MUC5AC: variants seen among roughly 807,000 people sequenced by gnomAD.
MUC5AC encodes mucin-5AC.
Under a neutral mutation model 169.7 loss-of-function variants are expected in MUC5AC, and 158 were observed. That is an observed-to-expected ratio of 0.93 (90% confidence interval 0.82 to 1.06). The LOEUF is 1.06. Among genes scored for constraint, MUC5AC ranks in the 50% least tolerant of loss-of-function variants. The pLI is 0.00. For synonymous variants in MUC5AC, 1,975 were observed against 1,237.0 expected (o/e 1.60, Z -12.52); for missense variants, 4,359 against 3,089.9 (o/e 1.41, Z -9.74).
chr11:1,162,698 G>A (rs1032676346), intron 5 of MUC5AC, 52 bp downstream of exon 5: 9 of 1,534,164 alleles, frequency 5.9e-6, no homozygotes, highest in Non-Finnish European at 8.1e-6. Flanking sequence ...TCGAGGGCCG[G>A]CCTGCTCCCA....
In MUC5AC at chr11:1,161,958, A is replaced by C; in HGVS notation, c.263A>C (p.His88Pro). The change falls in exon 4 of 49, where the codon CAC (histidine) becomes CCC (proline). Residue 88 changes from histidine (H) to proline (P), a missense_variant. By Grantham distance (77) the His-to-Pro change is moderately conservative. Coordinates refer to ENST00000621226, the MANE Select transcript of MUC5AC (RefSeq NM_001304359.2). ...GRVCSTWGSF[H>P]YKTFDGDVFR... ...GTGTGCAGCACCTGGGGCAGCTTCC[A>C]CTACAAGACCTTCGACGGCGACGTC... 1 of 1,612,292 alleles carries C rather than the reference A, an allele frequency of 6.2e-7. No homozygotes were observed. The highest frequency in any genetic ancestry group is 8.5e-7 in the Non-Finnish European group (1 of 1,179,696).
intron 14 of MUC5AC, 28 bp downstream of exon 14, chr11:1,168,807 GC>G (rs1184638972): frequency 1.6e-5 from 25 of 1,583,708 alleles, no homozygotes; most frequent in Non-Finnish European, 2.0e-5. Context: ...TGGGCTTGGA[GC>G]CCACCCACTC....
At chr11:1,171,740 TTCACCCAC>T (rs1439156470) in intron 15 of MUC5AC, among the ~76,000 whole-genome samples, 2 of 85,554 alleles carry the variant, frequency 2.3e-5, no homozygotes, top group South Asian at 4.2e-4. Flanking sequence ...AACTCACCCA[TTCACCCAC>T]TCACCCACTC....
chr11:1,171,764 TCACTCACCCACTCACCCATTCACC>T (rs1860551002), intron 15 of MUC5AC, among the ~76,000 whole-genome samples: 1 of 109,930 alleles, frequency 9.1e-6, no homozygotes, highest in South Asian at 3.3e-4. Flanking sequence ...CACTCAACAC[TCACTCACCCACTCACCCATTCACC>T]CACTCACCCA....
Position 1,164,272 on chromosome 11 carries a change from C to T in MUC5AC, c.956C>T (p.Thr319Ile). 7 of 1,612,602 alleles carry T rather than the reference C, an allele frequency of 4.3e-6. No homozygotes were observed. The highest frequency in any genetic ancestry group is 5.9e-6 in the Non-Finnish European group (7 of 1,179,862). ...CTTGCCGAGTACTCCCGGCAGTGCA[C>T]CCATGCAGGGGGGTTGCCCCAGGAC... ...HTLAEYSRQC[T>I]HAGGLPQDWR... The change falls in exon 8 of 49, where the codon ACC (threonine) becomes ATC (isoleucine). Residue 319 changes from threonine to isoleucine, a missense_variant. Coordinates refer to ENST00000621226, the MANE Select transcript of MUC5AC (RefSeq NM_001304359.2).
chr11:1,180,495 C>G lies in MUC5AC; in HGVS notation c.3755C>G (p.Ser1252Trp). The G allele has an allele frequency of 2.5e-6, 1 of 398,798 alleles. No individual in the cohort carries two copies. The highest frequency in any genetic ancestry group is 4.4e-6 in the Non-Finnish European group (1 of 226,166). 24.7% of individuals were successfully genotyped at this position (398,798 alleles called of 1,614,324 possible). A position where few individuals can be genotyped will look rare whatever the true frequency, so the allele number is the denominator to read the frequency against. The stretch of plus-strand genomic sequence containing the variant: ...TACCGGCCAGGTGCAGTGGTGCCCT[C>G]GGACAAGAACTGCCAGTCCTGGTGA... ...KSYRPGAVVP[S>W]DKNCQSCLCT... Residue 1252 changes from serine (S) to tryptophan (W), a missense_variant, in exon 28 of 49, where the codon TCG (serine) becomes TGG (tryptophan). Ser to Trp is a radical substitution (Grantham distance 177). Coordinates refer to ENST00000621226, the MANE Select transcript of MUC5AC (RefSeq NM_001304359.2).
intron 11 of MUC5AC, among the ~76,000 whole-genome samples, chr11:1,167,499 C>T (rs1309116194): frequency 6.6e-6 from 1 of 152,212 alleles, no homozygotes; most frequent in Admixed American, 6.5e-5. Flanking sequence ...ACGTTTAAGA[C>T]AGATGTGCAG....
intron 11 of MUC5AC, among the ~76,000 whole-genome samples, chr11:1,166,060 C>A (rs1860315595): frequency 6.6e-6 from 1 of 152,162 alleles, no homozygotes; most frequent in Non-Finnish European, 1.5e-5. Flanking sequence ...TTTAGGTTAA[C>A]AAGGAAATTG....
intron 30 of MUC5AC, 42 bp downstream of exon 30, chr11:1,181,501 C>G (rs1168352140): frequency 7.6e-6 from 3 of 394,598 alleles, no homozygotes; most frequent in Non-Finnish European, 1.3e-5. Context: ...TGAGCCCCCT[C>G]CCACTGCCTG....
rs1390785917 is a variant in MUC5AC, at chr11:1,195,959, T to C, written c.15542T>C (p.Leu5181Pro). 2.6e-6 allele frequency: 2 copies of C among 764,302 alleles called. No homozygotes were observed. Among genetic ancestry groups the C allele is most frequent in the Admixed American group, 1.7e-5 (1 of 58,960 alleles). 47.3% of individuals were successfully genotyped at this position (764,302 alleles called of 1,614,324 possible). ...TTTGACCGGTGCCACATGACGGACC[T>C]GGATGTGGTGTGCTCCAGCCTGGAG... ...CVFDRCHMTD[L>P]DVVCSSLELY... The change falls in exon 37 of 49, where the codon CTG becomes CCG. Residue 5181 changes from leucine (L) to proline (P), a missense_variant. Coordinates refer to ENST00000621226, the MANE Select transcript of MUC5AC (RefSeq NM_001304359.2).
rs1253985748 is a variant in MUC5AC, at chr11:1,182,635, A to G, written c.4490A>G (p.Lys1497Arg). The change falls in exon 31 of 49, where the codon AAG (lysine) becomes AGG (arginine). Residue 1497 changes from lysine to arginine, a missense_variant. By Grantham distance (26) the Lys-to-Arg change is conservative. Coordinates refer to ENST00000621226, the MANE Select transcript of MUC5AC (RefSeq NM_001304359.2). Reference sequence around the variant, plus strand: ...CAGACCACTCCTCCAACTACCTCCAAGACCACTGAAACCCGGGCCTCAGGC... The same window carrying G: ...CAGACCACTCCTCCAACTACCTCCAGGACCACTGAAACCCGGGCCTCAGGC... The part of the protein sequence containing the change: ...PAQTTPPTTS[K>R]TTETRASGSS... 2.5e-6 allele frequency: 1 copy of G among 399,034 alleles called. No homozygotes were observed. The highest frequency in any genetic ancestry group is 2.1e-5 in the African/African-American group (1 of 48,608). 24.7% of individuals were successfully genotyped at this position (399,034 alleles called of 1,614,324 possible). A position where few individuals can be genotyped will look rare whatever the true frequency, so the allele number is the denominator to read the frequency against.
chr11:1,167,998 C>G lies in MUC5AC; in HGVS notation c.1497+11C>G. ...GATGGGGCGCAGACGGTGAGTGGAG[C>G]CTGGCAGGGCAAACCCCGGGAAGAG... On this transcript the variant is annotated intron_variant, in intron 12 of 48. Coordinates refer to ENST00000621226, the MANE Select transcript of MUC5AC (RefSeq NM_001304359.2). 4 of 1,547,390 alleles carry G rather than the reference C, an allele frequency of 2.6e-6. No individual in the cohort carries two copies. Among genetic ancestry groups the G allele is most frequent in the Non-Finnish European group, 3.5e-6 (4 of 1,144,614 alleles).
chr11:1,180,201 TCTC>T, intron 27 of MUC5AC, 51 bp downstream of exon 27: 3 of 398,308 alleles, frequency 7.5e-6, no homozygotes, highest in Non-Finnish European at 8.9e-6. Context: ...CCTGTGGCCT[TCTC>T]CTGGCCCCTC....
At chr11:1,176,027 C>G in intron 19 of MUC5AC, 124 bp from the exon 20 acceptor site, 1 of 398,140 alleles carries the variant, frequency 2.5e-6, no homozygotes, top group Non-Finnish European at 4.4e-6. Flanking sequence ...TGCACTCACA[C>G]CCACTCATGC....
rs779275009 is a variant in MUC5AC, at chr11:1,200,541, C to T, written c.16804C>T (p.Arg5602Trp). 13 of 763,676 alleles carry T rather than the reference C, an allele frequency of 1.7e-5. No homozygotes were observed. Among genetic ancestry groups the T allele is most frequent in the East Asian group, 4.9e-5 (2 of 41,176 alleles). 47.3% of individuals were successfully genotyped at this position (763,676 alleles called of 1,614,324 possible). A position where few individuals can be genotyped will look rare whatever the true frequency, so the allele number is the denominator to read the frequency against. Residue 5602 changes from arginine to tryptophan, a missense_variant, in exon 49 of 49, where the codon CGG (arginine) becomes TGG (tryptophan). Arg to Trp is a moderately radical substitution (Grantham distance 101). Coordinates refer to ENST00000621226, the MANE Select transcript of MUC5AC (RefSeq NM_001304359.2). ...CCTGCACTGCACCGACGGCTCCAGC[C>T]GGGCCTTCAGCTACACCGAGGTGGA... ...VTLHCTDGSS[R>W]AFSYTEVEEC...
Position 1,188,901 on chromosome 11 carries a change from G to T in MUC5AC, c.10756G>T (p.Val3586Leu), listed in dbSNP as rs1861017495. 3 of 762,706 alleles carry T rather than the reference G, an allele frequency of 3.9e-6. No homozygotes were observed. The highest frequency in any genetic ancestry group is 1.7e-5 in the Admixed American group (1 of 58,844). The allele number at this position is 762,706 out of a possible 1,614,324, so 47.2% of individuals were successfully genotyped here. The part of the protein sequence containing the change: ...EVSIEHLGQV[V>L]QCSREEGLVC... ...GAGCATCGAACACCTGGGCCAGGTG[G>T]TGCAGTGCAGCCGCGAAGAGGGCCT... The change falls in exon 31 of 49, where the codon GTG becomes TTG. Residue 3586 changes from valine (V) to leucine (L), a missense_variant. Val to Leu is a conservative substitution (Grantham distance 32). Transcript: ENST00000621226.
At position 1,200,834 on chromosome 11, in the gene MUC5AC, T is replaced by A; in HGVS notation, c.*132T>A. On this transcript the variant is annotated 3_prime_UTR_variant, in exon 49 of 49. Transcript: ENST00000621226. ...TTGAACACACTGTCCACGCCCGCTTTCTTGTGGAGGGTGTGGGCTATGGGT... is the reference window on the plus strand; with the variant it reads ...TTGAACACACTGTCCACGCCCGCTTACTTGTGGAGGGTGTGGGCTATGGGT... 1 of 615,222 alleles carries A rather than the reference T, an allele frequency of 1.6e-6. No homozygotes were observed. The allele number at this position is 615,222 out of a possible 1,614,324, so 38.1% of individuals were successfully genotyped here.
Position 1,185,887 on chromosome 11 carries a change from C to A in MUC5AC, c.7742C>A (p.Thr2581Asn), listed in dbSNP as rs1429941771. The A allele has an allele frequency of 9.5e-5, 71 of 747,062 alleles. No individual in the cohort carries two copies. The highest frequency in any genetic ancestry group is 6.8e-4 in the Middle Eastern group (3 of 4,402). The allele number at this position is 747,062 out of a possible 1,614,324, so 46.3% of individuals were successfully genotyped here. A position where few individuals can be genotyped will look rare whatever the true frequency, so the allele number is the denominator to read the frequency against. ...AGCCCTGTTCCTACCACGAGCACAACCTCTGCTCCTACAACCAGCACAACC... is the reference window on the plus strand; with the variant it reads ...AGCCCTGTTCCTACCACGAGCACAAACTCTGCTCCTACAACCAGCACAACC... ...TPSPVPTTSTTSAPTTSTTSG... is the reference protein window; with the variant it reads ...TPSPVPTTSTNSAPTTSTTSG... The change falls in exon 31 of 49, where the codon ACC becomes AAC. Residue 2581 changes from threonine to asparagine, a missense_variant. Thr to Asn is a moderately conservative substitution (Grantham distance 65, BLOSUM62 0). Transcript: ENST00000621226.
chr11:1,177,214 G>A lies in MUC5AC; in HGVS notation c.2794-17G>A. 1 of 401,596 alleles carries A rather than the reference G, an allele frequency of 2.5e-6. No individual in the cohort carries two copies. Among genetic ancestry groups the A allele is most frequent in the Non-Finnish European group, 4.4e-6 (1 of 227,830 alleles). 24.9% of individuals were successfully genotyped at this position (401,596 alleles called of 1,614,324 possible). A position where few individuals can be genotyped will look rare whatever the true frequency, so the allele number is the denominator to read the frequency against. On this transcript the variant is annotated splice_polypyrimidine_tract_variant and intron_variant, in intron 22 of 48. Transcript: ENST00000621226. ...GGGCAGGGCCTGCCTGGTCCTTGAT[G>A]GCCTCTGCTTCCCCAGAACCACTGT...
Sources: gnomAD v4.1 joint callset for allele counts (sites outside exome capture counted in the v4.1 genomes callset) on GRCh38, gnomAD v4.1.1 for gene constraint, MANE v1.5 for transcripts, NCBI Gene and HGNC (gene_info 2026-07-23, HGNC 2026-07-21) for gene names.